The following NMS variants were observed in gnomAD, a reference collection of about 807,000 sequenced individuals.
NMS encodes neuromedin S, also known as neuromedin-S.
A neutral mutation model predicts 32.2 loss-of-function variants in NMS; 30 were observed. That is an observed-to-expected ratio of 0.93 (90% CI 0.70 to 1.26). The LOEUF (loss-of-function observed/expected upper bound fraction) is 1.26, where lower values mean the gene tolerates loss of function less well. Among genes scored for constraint, NMS ranks in the 50% most tolerant of loss-of-function variants. NMS has a pLI of 0.00. For synonymous variants in NMS, 76 were observed against 58.5 expected (o/e 1.30, Z -1.37); for missense variants, 190 against 186.3 (o/e 1.02, Z -0.12).
chr2:100,472,380 T>C (rs1677021277), intron 1 of NMS, among the ~76,000 whole-genome samples: 1 of 152,214 alleles, frequency 6.6e-6, no homozygotes. Context: ...TATCCATGTG[T>C]CTTCAAAGTT....
chr2:100,473,609 C>A, intron 3 of NMS, 70 bp downstream of exon 3: 1 of 512,588 alleles, frequency 2.0e-6, no homozygotes, highest in Non-Finnish European at 3.0e-6. Context: ...TCTTTTGCTA[C>A]CTACAGGAGA....
chr2:100,477,522 A>T (rs1264632887), intron 5 of NMS, 108 bp downstream of exon 5: 1 of 773,462 alleles, frequency 1.3e-6, no homozygotes, highest in African/African-American at 1.7e-5. Flanking sequence ...GGCTCCGGAC[A>T]TCCTCTGGGT....
At position 100,477,343 on chromosome 2, in the gene NMS, CTT is replaced by C. The variant is rs778072067; in HGVS notation, c.208-16_208-15del. On this transcript the variant is annotated splice_polypyrimidine_tract_variant and intron_variant, in intron 4 of 9. Transcript: ENST00000376865. The stretch of plus-strand genomic sequence containing the variant: ...CAAGTGACACTCGATACTAATATCA[CTT>C]TCTTTTCTTATTTAGTTTTTGTTTC... 1.2e-5 allele frequency: 19 copies of C among 1,612,438 alleles called. No homozygotes were observed. Among genetic ancestry groups the C allele is most frequent in the Non-Finnish European group, 1.4e-5 (17 of 1,178,650 alleles).
intron 5 of NMS, among the ~76,000 whole-genome samples, chr2:100,478,979 C>G (rs1225868888): frequency 6.6e-6 from 1 of 152,180 alleles, no homozygotes; most frequent in East Asian, 1.9e-4. Flanking sequence ...GTTACGGGGG[C>G]TGCCCTCCAC....
At chr2:100,473,951 G>T (rs1677052722) in intron 3 of NMS, among the ~76,000 whole-genome samples, 1 of 152,124 alleles carries the variant, frequency 6.6e-6, no homozygotes, top group African/African-American at 2.4e-5. Flanking sequence ...GCCGAGCTGG[G>T]CAGATCACTT....
At chr2:100,472,734 T>G (rs1677025825) in intron 1 of NMS, 61 bp from the exon 2 acceptor site, 7 of 1,074,368 alleles carry the variant, frequency 6.5e-6, no homozygotes, top group Non-Finnish European at 9.9e-6. Context: ...TGATAAAGAC[T>G]TTGAAGTAAA....
intron 3 of NMS, 46 bp from the exon 4 acceptor site, chr2:100,477,198 C>A (rs778237221): frequency 9.7e-6 from 15 of 1,548,720 alleles, no homozygotes; most frequent in African/African-American, 1.4e-5. Flanking sequence ...CCGTTACCTG[C>A]CCCTGTAAAA....
At chr2:100,480,847 A>G (rs985028228) in intron 7 of NMS, among the ~76,000 whole-genome samples, 11 of 152,174 alleles carry the variant, frequency 7.2e-5, no homozygotes, top group South Asian at 4.1e-4. Context: ...ACAGACTCCA[A>G]TAGAGGTACT....
intron 6 of NMS, among the ~76,000 whole-genome samples, chr2:100,480,046 A>C (rs754444968): frequency 1.3e-5 from 2 of 152,186 alleles, no homozygotes; most frequent in Non-Finnish European, 2.9e-5. Flanking sequence ...AGTACCTGGA[A>C]AACTGGTTGG....
Position 100,473,558 on chromosome 2 carries a change from A to T in NMS, c.183+19A>T, listed in dbSNP as rs1460023218. 1.1e-6 allele frequency: 1 copy of T among 931,348 alleles called. No homozygotes were observed. Among genetic ancestry groups the T allele is most frequent in the Non-Finnish European group, 1.4e-6 (1 of 696,450 alleles). 57.7% of individuals were successfully genotyped at this position (931,348 alleles called of 1,614,324 possible). A position where few individuals can be genotyped will look rare whatever the true frequency, so the allele number is the denominator to read the frequency against. ...ACCTAAGGTAAAAAAATGTGTATATATATAATATATATAAAATATATATAT... is the reference window on the plus strand; with the variant it reads ...ACCTAAGGTAAAAAAATGTGTATATTTATAATATATATAAAATATATATAT... On this transcript the variant is annotated intron_variant, in intron 3 of 9. Transcript: ENST00000376865.
chr2:100,482,880 A>G lies in NMS; in HGVS notation c.450-372A>G, dbSNP rs142059704. ...CAGCTCCGGGCCTCCTCTGTTTCTC[A>G]TGGGGATGTGGTCCCAAGGAAATAA... On this transcript the variant is annotated intron_variant, in intron 9 of 9. Coordinates refer to ENST00000376865, the MANE Select transcript of NMS (RefSeq NM_001011717.1). Among the ~76,000 whole-genome samples the G allele has an allele frequency of 6.3e-3, 955 of 152,276 alleles. 13 individuals carry two copies. The highest frequency in any genetic ancestry group is 0.022 in the African/African-American group (914 of 41,540).
intron 6 of NMS, 46 bp from the exon 7 acceptor site, chr2:100,480,450 A>T: frequency 1.9e-6 from 3 of 1,601,388 alleles, no homozygotes; most frequent in Non-Finnish European, 2.6e-6. Flanking sequence ...CTGCAAGGTC[A>T]TGATGTGGTT....
chr2:100,481,269 C>A, intron 8 of NMS, 102 bp downstream of exon 8: 1 of 1,067,246 alleles, frequency 9.4e-7, no homozygotes, highest in Non-Finnish European at 1.5e-6. Context: ...CCTTGGTAAA[C>A]TGGTGGATAA....
intron 5 of NMS, among the ~76,000 whole-genome samples, chr2:100,478,123 G>A (rs1677147033): frequency 6.6e-6 from 1 of 152,042 alleles, no homozygotes; most frequent in Non-Finnish European, 1.5e-5. Context: ...CACCATGCCT[G>A]GCTAATGTTT....
Position 100,483,272 on chromosome 2 carries a change from C to G in NMS, c.*8C>G. 6.2e-7 allele frequency: 1 copy of G among 1,609,236 alleles called. No individual in the cohort carries two copies. The highest frequency in any genetic ancestry group is 8.5e-7 in the Non-Finnish European group (1 of 1,176,114). On this transcript the variant is annotated 3_prime_UTR_variant, in exon 10 of 10. Transcript: ENST00000376865. ...TTTAGGATTCAGTGGTGAAAGAAAG[C>G]TGGATCTGATGAGGCCTTCCAGGGA...
chr2:100,483,163 A>G, intron 9 of NMS, 89 bp from the exon 10 acceptor site: 2 of 1,179,258 alleles, frequency 1.7e-6, no homozygotes, highest in South Asian at 1.3e-5. Flanking sequence ...TAATTGTAAA[A>G]TATGTTACAT....
Position 100,473,930 on chromosome 2 carries a change from C to A in NMS, c.183+391C>A, listed in dbSNP as rs142886125. On this transcript the variant is annotated intron_variant, in intron 3 of 9. Coordinates refer to ENST00000376865, the MANE Select transcript of NMS (RefSeq NM_001011717.1). ...TGGTGGCTCACACCTGTAATCCCAG[C>A]ACTTTGGGAGGCCGAGCTGGGCAGA... Among the ~76,000 whole-genome samples, 260 of 152,254 alleles carry A rather than the reference C, an allele frequency of 1.7e-3. 1 individual carries two copies. The highest frequency in any genetic ancestry group is 3.0e-3 in the Non-Finnish European group (207 of 68,018).
At chr2:100,472,575 G>A (rs920568161) in intron 1 of NMS, among the ~76,000 whole-genome samples, 2 of 152,100 alleles carry the variant, frequency 1.3e-5, no homozygotes, top group Non-Finnish European at 2.9e-5. Flanking sequence ...ATTAATCTTT[G>A]TATAAATCTC....
At chr2:100,478,415 C>T (rs1446834769) in intron 5 of NMS, among the ~76,000 whole-genome samples, 1 of 152,136 alleles carries the variant, frequency 6.6e-6, no homozygotes, top group Non-Finnish European at 1.5e-5. Flanking sequence ...AAGAATCAAT[C>T]AGTATTATAG....
Sources: gnomAD v4.1 joint callset for allele counts (sites outside exome capture counted in the v4.1 genomes callset) on GRCh38, gnomAD v4.1.1 for gene constraint, MANE v1.5 for transcripts, NCBI Gene and HGNC (gene_info 2026-07-23, HGNC 2026-07-21) for gene names.